The following FUT9 variants were observed in gnomAD, a reference collection of about 807,000 sequenced individuals.
The protein encoded by FUT9 is 4-galactosyl-N-acetylglucosaminide 3-alpha-L-fucosyltransferase 9.
In FUT9, 15 loss-of-function variants were observed where a neutral mutation model predicts 29.7. That is an observed-to-expected ratio of 0.51 (90% CI 0.34 to 0.78). The LOEUF (loss-of-function observed/expected upper bound fraction) is 0.78, where lower values mean the gene tolerates loss of function less well. FUT9 is among the 30% of genes least tolerant of loss of function. The pLI, the probability that FUT9 is intolerant of heterozygous loss-of-function variation, is 0.01. For missense variants in FUT9, 319 were observed against 425.4 expected (o/e 0.75, Z 2.20); for synonymous variants, 169 against 153.7 (o/e 1.10, Z -0.74).
At chr6:96,105,462 T>C (rs539728348) in intron 1 of FUT9, among the ~76,000 whole-genome samples, 94 of 152,294 alleles carry the variant, frequency 6.2e-4, no homozygotes, top group African/African-American at 2.1e-3. Context: ...TTATTCTAAA[T>C]TCAATTGCCA....
At chr6:96,130,993 T>A (rs2127969138) in intron 2 of FUT9, among the ~76,000 whole-genome samples, 1 of 152,270 alleles carries the variant, frequency 6.6e-6, no homozygotes, top group East Asian at 1.9e-4. Context: ...AAGACGGGGT[T>A]AATAATATTA....
At chr6:96,034,413 A>AG (rs982336198) in intron 1 of FUT9, among the ~76,000 whole-genome samples, 2 of 151,688 alleles carry the variant, frequency 1.3e-5, no homozygotes, top group African/African-American at 2.4e-5. Flanking sequence ...AAACTGGCGG[A>AG]GAAAAAAAAA....
At chr6:96,039,566 A>G (rs116049574) in intron 1 of FUT9, among the ~76,000 whole-genome samples, 1,782 of 152,006 alleles carry the variant, frequency 0.012, 37 homozygotes, top group African/African-American at 0.04. Flanking sequence ...TTGTGCCTGG[A>G]TTGCTCTTCA....
intron 1 of FUT9, among the ~76,000 whole-genome samples, chr6:96,078,965 T>C (rs1232382853): frequency 6.6e-6 from 1 of 152,160 alleles, no homozygotes; most frequent in East Asian, 1.9e-4. Context: ...CTTAATCTTC[T>C]TATTTAAACA....
chr6:96,150,955 G>A (rs1772664493), intron 2 of FUT9, among the ~76,000 whole-genome samples: 1 of 152,126 alleles, frequency 6.6e-6, no homozygotes, highest in Admixed American at 6.5e-5. Context: ...CTTGAGATTT[G>A]AGCTGTATCA....
At chr6:96,160,534 C>T (rs1772877884) in intron 2 of FUT9, among the ~76,000 whole-genome samples, 1 of 152,002 alleles carries the variant, frequency 6.6e-6, no homozygotes, top group Non-Finnish European at 1.5e-5. Context: ...AAAGTAAGTG[C>T]TATAAAGACT....
At chr6:96,033,632 G>C (rs767423406) in intron 1 of FUT9, among the ~76,000 whole-genome samples, 2 of 151,524 alleles carry the variant, frequency 1.3e-5, no homozygotes, top group Non-Finnish European at 3.0e-5. Context: ...TATTGACATA[G>C]ACCAGTTGTA....
chr6:96,189,771 T>C (rs1773471943), intron 2 of FUT9, among the ~76,000 whole-genome samples: 2 of 152,076 alleles, frequency 1.3e-5, no homozygotes, highest in South Asian at 4.1e-4. Context: ...AGATCTTCCT[T>C]CATCCCTTTA....
chr6:96,072,299 T>C (rs1771076198), intron 1 of FUT9, among the ~76,000 whole-genome samples: 1 of 152,162 alleles, frequency 6.6e-6, no homozygotes, highest in African/African-American at 2.4e-5. Flanking sequence ...ACCTTATTTC[T>C]AAGCAGTCAG....
At chr6:96,096,568 T>C (rs1043104628) in intron 1 of FUT9, among the ~76,000 whole-genome samples, 1 of 151,988 alleles carries the variant, frequency 6.6e-6, no homozygotes, top group South Asian at 2.1e-4. Flanking sequence ...TTCACTTCTT[T>C]AAGTCCACTC....
chr6:96,023,709 T>C (rs1426102403), intron 1 of FUT9, among the ~76,000 whole-genome samples: 1 of 151,966 alleles, frequency 6.6e-6, no homozygotes, highest in Non-Finnish European at 1.5e-5. Context: ...CTTGATTCAG[T>C]TGGTGATAAT....
At chr6:96,107,300 G>A (rs1036334646) in intron 1 of FUT9, among the ~76,000 whole-genome samples, 1 of 152,050 alleles carries the variant, frequency 6.6e-6, no homozygotes, top group Non-Finnish European at 1.5e-5. Flanking sequence ...AACCACAACA[G>A]CACCTAACAT....
chr6:96,044,444 T>C (rs1770522997), intron 1 of FUT9, among the ~76,000 whole-genome samples: 1 of 152,122 alleles, frequency 6.6e-6, no homozygotes, highest in African/African-American at 2.4e-5. Flanking sequence ...CTGCCATGCC[T>C]GATAAACTAA....
chr6:96,038,076 C>A (rs1319668673), intron 1 of FUT9, among the ~76,000 whole-genome samples: 1 of 152,090 alleles, frequency 6.6e-6, no homozygotes, highest in Admixed American at 6.6e-5. Flanking sequence ...GCCACAAGGT[C>A]AATGGCTCCT....
At chr6:96,098,075 G>A (rs1211550181) in intron 1 of FUT9, among the ~76,000 whole-genome samples, 3 of 150,312 alleles carry the variant, frequency 2.0e-5, no homozygotes. Flanking sequence ...CCCAGCATGT[G>A]TCTGACATAC....
rs1772686188 is a variant in FUT9, at chr6:96,152,016, C to T, written c.-9+37889C>T. On this transcript the variant is annotated intron_variant, in intron 2 of 2. Coordinates refer to ENST00000302103, the MANE Select transcript of FUT9 (RefSeq NM_006581.4). ...CATCTATTCACAGGTCCACCTGATG[C>T]CAGGGCTTGTAGAAAAAAATTTAGA... Among the ~76,000 whole-genome samples, 3 of 152,120 alleles carry T rather than the reference C, an allele frequency of 2.0e-5. No homozygotes were observed. In the South Asian group the frequency reaches 6.2e-4, roughly 32 times the overall value.
At chr6:96,129,520 A>T (rs1237544193) in intron 2 of FUT9, among the ~76,000 whole-genome samples, 1 of 152,028 alleles carries the variant, frequency 6.6e-6, no homozygotes, top group Non-Finnish European at 1.5e-5. Flanking sequence ...GTCTCAGAAT[A>T]AAATAAACAG....
chr6:96,064,106 G>A (rs1770921825), intron 1 of FUT9, among the ~76,000 whole-genome samples: 1 of 152,000 alleles, frequency 6.6e-6, no homozygotes, highest in Non-Finnish European at 1.5e-5. Flanking sequence ...CTCACATTGG[G>A]GTAGAACAAT....
intron 2 of FUT9, among the ~76,000 whole-genome samples, chr6:96,194,699 T>G (rs1252359386): frequency 7.0e-5 from 2 of 28,590 alleles, no homozygotes; most frequent in Non-Finnish European, 4.3e-4. Context: ...AATGAGAGTT[T>G]TGGATTTTTT....
Sources: allele counts gnomAD v4.1 joint callset (sites outside exome capture counted in the v4.1 genomes callset), GRCh38; gene constraint gnomAD v4.1.1; transcripts MANE v1.5; gene names NCBI Gene and HGNC (gene_info 2026-07-23, HGNC 2026-07-21).